The following CLSPN variants were observed in gnomAD, a reference collection of about 807,000 sequenced individuals.
CLSPN encodes the protein claspin homolog.
Under a neutral mutation model 156.3 loss-of-function variants are expected in CLSPN, and 85 were observed. That is an observed-to-expected ratio of 0.54 (90% CI 0.46 to 0.65). CLSPN has a LOEUF of 0.65. Among genes scored for constraint, CLSPN ranks in the 30% least tolerant of loss-of-function variants. CLSPN has a pLI of 0.00. For missense variants in CLSPN, 1,407 were observed against 1,554.9 expected, an observed-to-expected ratio of 0.90 and a Z score of 1.60; for synonymous variants, 534 against 542.4, an observed-to-expected ratio of 0.98 and a Z score of 0.22.
At position 35,733,373 on chromosome 1, in the gene CLSPN, T is replaced by A; in HGVS notation, c.*3123A>T. The stretch of plus-strand genomic sequence containing the variant: ...TTTCACCATGTTTCCCAGGCTGGTC[T>A]CGAACTCCTGAGTTCAAGCAATGCA... On this transcript the variant is annotated 3_prime_UTR_variant, in exon 25 of 25. Transcript: ENST00000318121. 6.9e-6 allele frequency: 3 copies of A among 437,292 alleles called. No homozygotes were observed. The highest frequency in any genetic ancestry group is 6.1e-6 in the Non-Finnish European group (2 of 329,954). The allele number at this position is 437,292 out of a possible 1,614,324, so 27.1% of individuals were successfully genotyped here.
chr1:35,726,779 G>A (rs894690286), intron 24 of CLSPN, among the ~76,000 whole-genome samples: 2 of 152,216 alleles, frequency 1.3e-5, no homozygotes, highest in Non-Finnish European at 2.9e-5. Flanking sequence ...CTTGCCGGAC[G>A]AGGAGCAGGG....
In CLSPN at chr1:35,736,470, T is replaced by C; in HGVS notation, c.*26A>G. 2 of 1,564,980 alleles carry C rather than the reference T, an allele frequency of 1.3e-6. No individual in the cohort carries two copies. Among genetic ancestry groups the C allele is most frequent in the Non-Finnish European group, 1.7e-6 (2 of 1,158,878 alleles). ...TAGAAACTTCTCAAAGCAGTCTCAATGTAGATTTTGGCACCTTTGATGGTG... is the reference window on the plus strand; with the variant it reads ...TAGAAACTTCTCAAAGCAGTCTCAACGTAGATTTTGGCACCTTTGATGGTG... On this transcript the variant is annotated 3_prime_UTR_variant, in exon 25 of 25. Transcript: ENST00000318121.
chr1:35,767,660 G>C (rs1642719530), intron 1 of CLSPN, among the ~76,000 whole-genome samples: 1 of 152,178 alleles, frequency 6.6e-6, no homozygotes, highest in African/African-American at 2.4e-5. Flanking sequence ...AAATATAACT[G>C]AATTTCATGT....
chr1:35,740,808 A>C (rs1641664413), intron 18 of CLSPN, among the ~76,000 whole-genome samples: 1 of 152,102 alleles, frequency 6.6e-6, no homozygotes, highest in East Asian at 1.9e-4. Context: ...AGTTTCCCAA[A>C]CTTCCCACTT....
In CLSPN at chr1:35,732,302, C is replaced by T. The variant is rs1641337325; in HGVS notation, c.*4194G>A. The stretch of plus-strand genomic sequence containing the variant: ...ATCCTTAGGAGCACAAATCCCAGGA[C>T]AGGATGCCACAAGAGTGATTAGACA... On this transcript the variant is annotated 3_prime_UTR_variant, in exon 25 of 25. Transcript: ENST00000318121. 1.0e-6 allele frequency: 1 copy of T among 985,388 alleles called. No homozygotes were observed. Among genetic ancestry groups the T allele is most frequent in the Non-Finnish European group, 1.2e-6 (1 of 829,936 alleles). 61.0% of individuals were successfully genotyped at this position (985,388 alleles called of 1,614,324 possible).
rs751115510 is a variant in CLSPN, at chr1:35,746,873, G to C, written c.2747C>G (p.Thr916Ser). Residue 916 changes from threonine (T) to serine (S), a missense_variant, in exon 15 of 25, where the codon ACT becomes AGT. Thr to Ser is a moderately conservative substitution (Grantham distance 58). Around this residue, in one of 3 missense-constraint regions of CLSPN, gnomAD observed 1,096 missense variants for 1,193.0 expected, o/e 0.92. Coordinates refer to ENST00000318121, the MANE Select transcript of CLSPN (RefSeq NM_022111.4). The surrounding 1 kb of genome is among the most constrained non-coding windows in gnomAD (Gnocchi z 4.2). The stretch of plus-strand genomic sequence containing the variant: ...TTCAGCCTGAGATGTGAACTTTCCA[G>C]TACACAAATCCAACAGCTCATCCAT... ...ANMDELLDLC[T>S]GKFTSQAEKH... 3 of 1,613,838 alleles carry C rather than the reference G, an allele frequency of 1.9e-6. No homozygotes were observed. Among genetic ancestry groups the C allele is most frequent in the Non-Finnish European group, 2.5e-6 (3 of 1,179,804 alleles).
chr1:35,731,683 T>C (rs1014735985), downstream of CLSPN, among the ~76,000 whole-genome samples: 1 of 152,226 alleles, frequency 6.6e-6, no homozygotes, highest in African/African-American at 2.4e-5. Flanking sequence ...TGATTCCAGA[T>C]GCAATTTGGA....
Position 35,762,147 on chromosome 1 carries a change from T to A in CLSPN, c.823-77A>T. 5.3e-6 allele frequency: 6 copies of A among 1,142,148 alleles called. No individual in the cohort carries two copies. The South Asian group carries it at 6.5e-5, about 12-fold the overall frequency. 70.8% of individuals were successfully genotyped at this position (1,142,148 alleles called of 1,614,324 possible). A position where few individuals can be genotyped will look rare whatever the true frequency, so the allele number is the denominator to read the frequency against. Reference sequence around the variant, plus strand: ...GATAGATATTCATCACTCAAGAGTTTGCTCTCTCCAAGAAAAGAGGAAAGG... The same window carrying A: ...GATAGATATTCATCACTCAAGAGTTAGCTCTCTCCAAGAAAAGAGGAAAGG... On this transcript the variant is annotated intron_variant, in intron 5 of 24. Transcript: ENST00000318121.
intron 18 of CLSPN, among the ~76,000 whole-genome samples, chr1:35,742,788 C>G (rs1462546507): frequency 1.3e-5 from 2 of 150,670 alleles, no homozygotes; most frequent in African/African-American, 2.4e-5. Context: ...GCTCTGTCAC[C>G]CAGGCTGAAA....
chr1:35,769,908 T>C lies in CLSPN; in HGVS notation c.-38A>G, dbSNP rs776841552. On this transcript the variant is annotated 5_prime_UTR_variant, in exon 1 of 25. Transcript: ENST00000318121. ...CCCTGCGCTCCACTAGGGACGGAGC[T>C]GTCTCTGATTCCCTCAGCCGGAGAG... 1 of 1,605,862 alleles carries C rather than the reference T, an allele frequency of 6.2e-7. No homozygotes were observed.
Position 35,738,108 on chromosome 1 carries a change from A to AG in CLSPN, c.3559-12_3559-11insC. 1.6e-6 allele frequency: 1 copy of AG among 626,416 alleles called. No homozygotes were observed. The highest frequency in any genetic ancestry group is 2.1e-6 in the Non-Finnish European group (1 of 478,436). 38.8% of individuals were successfully genotyped at this position (626,416 alleles called of 1,614,324 possible). On this transcript the variant is annotated splice_polypyrimidine_tract_variant and intron_variant, in intron 21 of 24. Coordinates refer to ENST00000318121, the MANE Select transcript of CLSPN (RefSeq NM_022111.4). ...TTTCCCCTGCTGTGCCTGAAAAAAA[A>AG]AAAAAATATATATATATATATATAT...
chr1:35,767,308 G>A (rs766855457), intron 1 of CLSPN, among the ~76,000 whole-genome samples: 10 of 152,038 alleles, frequency 6.6e-5, no homozygotes, highest in Non-Finnish European at 1.5e-4. Context: ...TCTATTTTTG[G>A]AAAGCTCTTG....
At chr1:35,724,114 T>C (rs1352875909) in intron 24 of CLSPN, among the ~76,000 whole-genome samples, 1 of 152,174 alleles carries the variant, frequency 6.6e-6, no homozygotes. Flanking sequence ...TGATTTTTTT[T>C]ATTTTAAGAG....
At chr1:35,745,646 C>T (rs955503726) in intron 15 of CLSPN, 84 bp from the exon 16 acceptor site, 22 of 922,942 alleles carry the variant, frequency 2.4e-5, no homozygotes, top group African/African-American at 9.8e-5. Flanking sequence ...CATGCCAGCT[C>T]GATACAGTTC....
At chr1:35,741,464 T>TG (rs1641687178) in intron 18 of CLSPN, among the ~76,000 whole-genome samples, 4 of 152,034 alleles carry the variant, frequency 2.6e-5, no homozygotes, top group Admixed American at 6.6e-5. Flanking sequence ...TTACAGGCAC[T>TG]GGCCATCACG....
intron 18 of CLSPN, among the ~76,000 whole-genome samples, chr1:35,742,267 C>T (rs1246329316): frequency 6.6e-6 from 1 of 152,202 alleles, no homozygotes; most frequent in African/African-American, 2.4e-5. Flanking sequence ...TGAATCCAGC[C>T]TCTGCTGCCT....
chr1:35,753,321 G>A (rs1022092081), intron 9 of CLSPN, among the ~76,000 whole-genome samples: 2 of 151,890 alleles, frequency 1.3e-5, no homozygotes, highest in African/African-American at 4.8e-5. Flanking sequence ...CAACTCCTGA[G>A]CTCAACAGAT....
intron 18 of CLSPN, among the ~76,000 whole-genome samples, chr1:35,742,146 G>A (rs1557505006): frequency 6.6e-6 from 1 of 152,110 alleles, no homozygotes; most frequent in Non-Finnish European, 1.5e-5. Flanking sequence ...GCCAGGTGTG[G>A]TGGCACATGC....
chr1:35,740,517 C>T (rs1641655062), intron 18 of CLSPN, among the ~76,000 whole-genome samples: 2 of 151,466 alleles, frequency 1.3e-5, no homozygotes, highest in Admixed American at 1.3e-4. Flanking sequence ...CTCCTGGGTT[C>T]AAGTGATTCT....
Sources: allele counts gnomAD v4.1 joint callset (sites outside exome capture counted in the v4.1 genomes callset), GRCh38; gene constraint gnomAD v4.1.1; regional missense constraint gnomAD v4.1.1; non-coding constraint Gnocchi (gnomAD v3.1); transcripts MANE v1.5; gene names NCBI Gene and HGNC (gene_info 2026-07-23, HGNC 2026-07-21).